Variants in TNS3 observed in about 807,000 individuals in gnomAD.
TNS3 encodes the protein tensin 3, also known as tensin-3.
A neutral mutation model predicts 140.9 loss-of-function variants in TNS3; 45 were observed. The observed-to-expected ratio is 0.32, with a 90% CI of 0.25 to 0.41. The LOEUF (loss-of-function observed/expected upper bound fraction) is 0.41. TNS3 is among the 10% of genes least tolerant of loss of function. The pLI is 1.00. For synonymous variants in TNS3, 815 were observed against 788.4 expected (o/e 1.03, Z -0.56); for missense variants, 1,716 against 1,906.7 (o/e 0.90, Z 1.86).
chr7:47,411,781 G>A lies in TNS3; in HGVS notation c.669C>T (p.Pro223=), dbSNP rs757390275. The part of the protein sequence containing the change: ...SGIYNVGPEN[P]SRICIVIEPA... Reference sequence around the variant, plus strand: ...GCTCGATGACGATGCAGATCCTGCTGGGGTTTTCTGGGCCAACGTTGCTTT... The same window carrying A: ...GCTCGATGACGATGCAGATCCTGCTAGGGTTTTCTGGGCCAACGTTGCTTT... The change falls in exon 13 of 31, where the codon CCC becomes CCT. Residue 223 remains proline, a synonymous_variant. Coordinates refer to ENST00000311160, the MANE Select transcript of TNS3 (RefSeq NM_022748.12). The A allele has an allele frequency of 1.2e-6, 2 of 1,613,368 alleles. No individual in the cohort carries two copies. The highest frequency in any genetic ancestry group is 2.2e-5 in the East Asian group (1 of 44,866).
At chr7:47,488,852 C>T (rs995655598) in intron 3 of TNS3, among the ~76,000 whole-genome samples, 1 of 152,068 alleles carries the variant, frequency 6.6e-6, no homozygotes, top group Non-Finnish European at 1.5e-5. Flanking sequence ...TTCAAGGCTG[C>T]TTTTCCAATG....
chr7:47,543,498 C>T (rs1202365095), intron 1 of TNS3, among the ~76,000 whole-genome samples: 1 of 152,182 alleles, frequency 6.6e-6, no homozygotes, highest in South Asian at 2.1e-4. Flanking sequence ...CAGCGACATC[C>T]TAGGAGACAA....
At chr7:47,287,373 T>C (rs771140570) in intron 27 of TNS3, among the ~76,000 whole-genome samples, 20 of 152,162 alleles carry the variant, frequency 1.3e-4, no homozygotes, top group Non-Finnish European at 2.1e-4. Context: ...TCTTTGTGAG[T>C]TGTCTGCTAA....
chr7:47,388,119 T>A (rs1229762197), intron 16 of TNS3, among the ~76,000 whole-genome samples: 1 of 152,082 alleles, frequency 6.6e-6, no homozygotes, highest in African/African-American at 2.4e-5. Flanking sequence ...TACCAGGAGA[T>A]GGACATAAGA....
intron 1 of TNS3, among the ~76,000 whole-genome samples, chr7:47,575,459 C>CTACA (rs1016613475): frequency 6.6e-6 from 1 of 152,080 alleles, no homozygotes; most frequent in Admixed American, 6.5e-5. Context: ...TTTTCCAAGT[C>CTACA]TACAATGAGC....
intron 1 of TNS3, among the ~76,000 whole-genome samples, chr7:47,560,622 C>T (rs1260614524): frequency 6.6e-6 from 1 of 152,212 alleles, no homozygotes; most frequent in East Asian, 1.9e-4. Context: ...CTGGCTGCTC[C>T]TGCAACCCTC....
chr7:47,371,621 G>A (rs1791076257), intron 16 of TNS3, among the ~76,000 whole-genome samples: 1 of 152,234 alleles, frequency 6.6e-6, no homozygotes. Flanking sequence ...AGACTAGGCA[G>A]AGACTAAAAA....
intron 1 of TNS3, among the ~76,000 whole-genome samples, chr7:47,554,243 C>T (rs576123429): frequency 1.2e-4 from 18 of 151,252 alleles, no homozygotes; most frequent in South Asian, 8.4e-4. Flanking sequence ...CATGGTGAAA[C>T]CCTGTCTCTA....
intron 4 of TNS3, among the ~76,000 whole-genome samples, chr7:47,466,582 T>C (rs1796725400): frequency 6.6e-6 from 1 of 152,230 alleles, no homozygotes; most frequent in African/African-American, 2.4e-5. Context: ...GCCCCTGGAC[T>C]TCCTGTCAGT....
chr7:47,535,484 G>A (rs1367040914), intron 1 of TNS3, among the ~76,000 whole-genome samples: 6 of 152,250 alleles, frequency 3.9e-5, no homozygotes, highest in Admixed American at 3.9e-4. Context: ...AATGAGACCA[G>A]ACGGGATTAG....
At chr7:47,332,518 G>A (rs1256348467) in intron 20 of TNS3, among the ~76,000 whole-genome samples, 1 of 152,192 alleles carries the variant, frequency 6.6e-6, no homozygotes, top group Non-Finnish European at 1.5e-5. Flanking sequence ...TGCTTCAGAA[G>A]GGACCCCAGC....
rs776663402 is a variant in TNS3, at chr7:47,369,138, T to G, written c.1508A>C (p.Gln503Pro). The G allele has an allele frequency of 5.8e-5, 93 of 1,613,870 alleles. No homozygotes were observed. The highest frequency in any genetic ancestry group is 7.2e-5 in the Non-Finnish European group (85 of 1,180,042). Residue 503 changes from glutamine to proline, a missense_variant, in exon 17 of 31, where the codon CAG becomes CCG. Transcript: ENST00000311160. ...LGTLSSSEGP[Q>P]SAHLGPFTCH... ...GGTGAAGGGACCCAGGTGGGCCGAC[T>G]GAGGCCCTTCCGAGGAGGACAGGGT...
chr7:47,345,068 G>T, intron 18 of TNS3, 30 bp from the exon 19 acceptor site: 1 of 1,580,212 alleles, frequency 6.3e-7, no homozygotes, highest in East Asian at 2.2e-5. Flanking sequence ...TAGAATGTGA[G>T]AACAGGGAGT....
intron 9 of TNS3, among the ~76,000 whole-genome samples, chr7:47,425,777 T>C (rs190910703): frequency 1.1e-3 from 165 of 152,348 alleles, no homozygotes; most frequent in Non-Finnish European, 1.7e-3. Context: ...TTTGTCTTTA[T>C]AACTCTTATT....
intron 27 of TNS3, among the ~76,000 whole-genome samples, chr7:47,287,348 A>G (rs1785474186): frequency 6.6e-6 from 1 of 152,264 alleles, no homozygotes; most frequent in South Asian, 2.1e-4. Context: ...GGAGAGCATT[A>G]CAAGTTTATT....
Position 47,517,833 on chromosome 7 carries a change from G to A in TNS3, c.-152-10889C>T, listed in dbSNP as rs77210957. On this transcript the variant is annotated intron_variant, in intron 2 of 30. Coordinates refer to ENST00000311160, the MANE Select transcript of TNS3 (RefSeq NM_022748.12). ...GGTTCCACAGTCATTTCTGTATCGG[G>A]GGTCAAGAAAAGTCTGAAGAGACAA... 1.2e-4 allele frequency among the ~76,000 whole-genome samples: 18 copies of A among 152,218 alleles called. No individual in the cohort carries two copies. In the East Asian group the frequency reaches 3.3e-3, roughly 28 times the overall value.
intron 28 of TNS3, 29 bp from the exon 29 acceptor site, chr7:47,280,383 C>G (rs1233484286): frequency 1.2e-6 from 2 of 1,610,022 alleles, no homozygotes; most frequent in African/African-American, 2.7e-5. Flanking sequence ...GAGAGGATGG[C>G]TCCTGTTACT....
intron 2 of TNS3, among the ~76,000 whole-genome samples, chr7:47,515,056 T>C (rs1745885546): frequency 6.6e-6 from 1 of 152,190 alleles, no homozygotes; most frequent in African/African-American, 2.4e-5. Flanking sequence ...ACTGGACACT[T>C]AACCCCATTG....
intron 4 of TNS3, among the ~76,000 whole-genome samples, chr7:47,449,767 G>A (rs1370798316): frequency 2.0e-5 from 3 of 152,030 alleles, no homozygotes; most frequent in Non-Finnish European, 4.4e-5. Flanking sequence ...CACCACACCC[G>A]GCTAATTTTT....
Sources: allele counts gnomAD v4.1 joint callset (sites outside exome capture counted in the v4.1 genomes callset), GRCh38; gene constraint gnomAD v4.1.1; transcripts MANE v1.5; gene names NCBI Gene and HGNC (gene_info 2026-07-23, HGNC 2026-07-21).